NTM: variants seen among roughly 807,000 people sequenced by gnomAD.
NTM encodes the protein neurotrimin.
NTM carries 13 observed loss-of-function variants against 42.1 expected under a neutral mutation model. The observed-to-expected ratio is 0.31, with a 90% CI of 0.20 to 0.49. The LOEUF (loss-of-function observed/expected upper bound fraction) is 0.49. Ranked by LOEUF, NTM falls within the 20% of genes least tolerant of loss-of-function variation. NTM has a pLI of 0.99. For synonymous variants in NTM, 187 were observed against 179.2 expected, an observed-to-expected ratio of 1.04 and a Z score of -0.35; for missense variants, 373 against 452.8, an observed-to-expected ratio of 0.82 and a Z score of 1.60.
chr11:131,617,802 T>C (rs1046321224), intron 1 of NTM, among the ~76,000 whole-genome samples: 37 of 152,112 alleles, frequency 2.4e-4, no homozygotes, highest in African/African-American at 8.9e-4. Context: ...GCTGAAGCAA[T>C]GAAACAGATC....
At chr11:131,789,954 TCAAAAAAAAA>T (rs2090680615) in intron 1 of NTM, among the ~76,000 whole-genome samples, 3 of 22,008 alleles carry the variant, frequency 1.4e-4, no homozygotes, top group Non-Finnish European at 2.2e-4. Flanking sequence ...AGACTCCGTC[TCAAAAAAAAA>T]AAAAAAAAAA....
At chr11:131,746,277 G>C (rs2081813175) in intron 1 of NTM, among the ~76,000 whole-genome samples, 1 of 152,144 alleles carries the variant, frequency 6.6e-6, no homozygotes, top group Non-Finnish European at 1.5e-5. Flanking sequence ...ATCTTTCACG[G>C]GCTGGTTGGG....
intron 1 of NTM, among the ~76,000 whole-genome samples, chr11:131,864,062 AGGAGGGAAGGAAG>A (rs1360912508): frequency 5.9e-4 from 90 of 152,226 alleles, no homozygotes; most frequent in Admixed American, 5.8e-3. Context: ...CAGGGAGGAA[AGGAGGGAAGGAAG>A]GAAGAGAAGT....
intron 1 of NTM, among the ~76,000 whole-genome samples, chr11:131,723,937 G>A (rs1175490310): frequency 6.6e-6 from 1 of 152,058 alleles, no homozygotes; most frequent in Non-Finnish European, 1.5e-5. Context: ...AGGCCTAGAG[G>A]CCAATGTAAT....
At chr11:131,693,677 G>A (rs906389928) in intron 1 of NTM, among the ~76,000 whole-genome samples, 3 of 152,254 alleles carry the variant, frequency 2.0e-5, no homozygotes, top group South Asian at 4.1e-4. Flanking sequence ...TTGTCTCAGT[G>A]TCATCCACCC....
At chr11:131,836,242 A>G (rs990189654) in intron 1 of NTM, among the ~76,000 whole-genome samples, 3 of 152,164 alleles carry the variant, frequency 2.0e-5, no homozygotes, top group African/African-American at 7.2e-5. Flanking sequence ...GTACCACCTT[A>G]TATTTCCTGC....
At chr11:131,845,273 T>C (rs890198362) in intron 1 of NTM, among the ~76,000 whole-genome samples, 2 of 152,186 alleles carry the variant, frequency 1.3e-5, no homozygotes, top group African/African-American at 4.8e-5. Context: ...ATCTACTAAT[T>C]ACATCCAGAA....
At chr11:131,989,254 G>A (rs115828101) in intron 2 of NTM, among the ~76,000 whole-genome samples, 1,972 of 152,204 alleles carry the variant, frequency 0.013, 48 homozygotes, top group African/African-American at 0.045. Context: ...TAACAAATTA[G>A]TATCAACTGA....
intron 1 of NTM, among the ~76,000 whole-genome samples, chr11:131,514,827 A>G (rs1448212381): frequency 1.3e-5 from 2 of 152,052 alleles, no homozygotes; most frequent in African/African-American, 4.8e-5. Flanking sequence ...CTAAGGCTCA[A>G]ACGATCCTAC....
chr11:132,304,658 T>A (rs2095008709), intron 4 of NTM, among the ~76,000 whole-genome samples: 1 of 152,200 alleles, frequency 6.6e-6, no homozygotes. Flanking sequence ...TCTCTGGTTT[T>A]GCCATATATG....
At chr11:131,581,080 G>T (rs959762479) in intron 1 of NTM, among the ~76,000 whole-genome samples, 9 of 152,218 alleles carry the variant, frequency 5.9e-5, no homozygotes, top group African/African-American at 2.2e-4. Flanking sequence ...CTCATCTTCA[G>T]AGAGAGTATT....
chr11:131,939,937 G>C (rs1374381346), intron 2 of NTM, among the ~76,000 whole-genome samples: 1 of 152,154 alleles, frequency 6.6e-6, no homozygotes, highest in African/African-American at 2.4e-5. Flanking sequence ...AGTTTGATTT[G>C]AGGAAACCTC....
chr11:132,094,698 T>C (rs2060754106), intron 2 of NTM, among the ~76,000 whole-genome samples: 2 of 152,126 alleles, frequency 1.3e-5, no homozygotes, highest in African/African-American at 4.8e-5. Flanking sequence ...TCTTTCATTA[T>C]GGTGATGATT....
intron 2 of NTM, among the ~76,000 whole-genome samples, chr11:131,927,999 T>G (rs2058146272): frequency 6.6e-6 from 1 of 152,196 alleles, no homozygotes; most frequent in Non-Finnish European, 1.5e-5. Flanking sequence ...GGACTTAATT[T>G]GAGCTGTAAA....
intron 1 of NTM, among the ~76,000 whole-genome samples, chr11:131,799,159 G>A (rs1014657359): frequency 2.0e-5 from 3 of 152,108 alleles, no homozygotes; most frequent in Non-Finnish European, 4.4e-5. Context: ...ATAATCAAGA[G>A]TATACATCTT....
intron 7 of NTM, 143 bp downstream of exon 7, chr11:132,314,846 A>G: frequency 7.2e-7 from 1 of 1,394,718 alleles, no homozygotes; most frequent in Non-Finnish European, 9.3e-7. Flanking sequence ...AGAGAGAGAC[A>G]CAGAAAGAAA....
chr11:131,976,116 A>ATTCATTCCTTCC (rs2064309217), intron 2 of NTM, among the ~76,000 whole-genome samples: 4 of 123,770 alleles, frequency 3.2e-5, no homozygotes, highest in South Asian at 3.3e-4. Flanking sequence ...TCCCTCCCTC[A>ATTCATTCCTTCC]TTCCTTCCTT....
intron 2 of NTM, among the ~76,000 whole-genome samples, chr11:131,990,511 A>G (rs11222857): frequency 0.12 from 18,718 of 151,290 alleles, 1,633 homozygotes; most frequent in East Asian, 0.44. Flanking sequence ...GTGTGTTTGC[A>G]TGTGTGTGTG....
intron 2 of NTM, among the ~76,000 whole-genome samples, chr11:132,083,526 C>T (rs2059343401): frequency 6.6e-6 from 1 of 152,170 alleles, no homozygotes. Flanking sequence ...TGGGTGAATT[C>T]CTCTCTTCTT....
Sources: gnomAD v4.1 joint callset for allele counts (sites outside exome capture counted in the v4.1 genomes callset) on GRCh38, gnomAD v4.1.1 for gene constraint, MANE v1.5 for transcripts, NCBI Gene and HGNC (gene_info 2026-07-23, HGNC 2026-07-21) for gene names.